Variants in GPR158 observed in about 807,000 individuals in gnomAD.
The protein encoded by GPR158 is G protein-coupled receptor 158, also known as metabotropic glycine receptor.
A neutral mutation model predicts 78.2 loss-of-function variants in GPR158; 30 were observed. That is an observed-to-expected ratio of 0.38 (90% CI 0.29 to 0.52). The LOEUF is 0.52. Ranked by LOEUF, GPR158 falls within the 20% of genes least tolerant of loss-of-function variation. The probability of loss-of-function intolerance (pLI) is 0.83; values close to 1 mark genes in which losing one functional copy is unlikely to be tolerated. For missense variants in GPR158, 1,463 were observed against 1,523.5 expected (o/e 0.96, Z 0.66); for synonymous variants, 581 against 591.1 (o/e 0.98, Z 0.25).
At chr10:25,577,115 C>G (rs1006052049) in intron 7 of GPR158, among the ~76,000 whole-genome samples, 1 of 152,178 alleles carries the variant, frequency 6.6e-6, no homozygotes, top group African/African-American at 2.4e-5. Context: ...TCTCTTTCAG[C>G]ATGCAGCATC....
At chr10:25,560,561 A>C (rs1054591129) in intron 6 of GPR158, among the ~76,000 whole-genome samples, 1 of 152,194 alleles carries the variant, frequency 6.6e-6, no homozygotes, top group Non-Finnish European at 1.5e-5. Flanking sequence ...CATTGCGCCC[A>C]TCCTAAAATA....
intron 5 of GPR158, among the ~76,000 whole-genome samples, chr10:25,478,425 G>A (rs1835617502): frequency 6.6e-6 from 1 of 151,916 alleles, no homozygotes; most frequent in Admixed American, 6.6e-5. Flanking sequence ...TAGTCATTGT[G>A]TACATTTAAT....
At chr10:25,597,743 C>T (rs760144149) in intron 10 of GPR158, 29 bp from the exon 11 acceptor site, 2 of 1,478,858 alleles carry the variant, frequency 1.4e-6, no homozygotes, top group Admixed American at 4.7e-5. Context: ...AAATTCTACA[C>T]TTCTTTGAAT....
At chr10:25,247,845 TG>T (rs1404960236) in intron 2 of GPR158, among the ~76,000 whole-genome samples, 1 of 148,494 alleles carries the variant, frequency 6.7e-6, no homozygotes, top group Non-Finnish European at 1.5e-5. Context: ...ATGGGATGGC[TG>T]GGTCAAATGG....
intron 3 of GPR158, among the ~76,000 whole-genome samples, chr10:25,399,752 G>T (rs548994633): frequency 1.4e-4 from 21 of 152,262 alleles, no homozygotes; most frequent in African/African-American, 5.1e-4. Flanking sequence ...CATCATCGAA[G>T]AACTACTCAA....
intron 1 of GPR158, among the ~76,000 whole-genome samples, chr10:25,190,222 G>T (rs190612923): frequency 6.6e-6 from 1 of 151,974 alleles, no homozygotes; most frequent in Non-Finnish European, 1.5e-5. Flanking sequence ...TAAATATTCC[G>T]TTTGCCATTT....
intron 5 of GPR158, among the ~76,000 whole-genome samples, chr10:25,538,834 C>T (rs1836536213): frequency 6.6e-6 from 1 of 152,130 alleles, no homozygotes; most frequent in African/African-American, 2.4e-5. Context: ...TGTCTTAAGT[C>T]ACGCATCGTA....
intron 2 of GPR158, among the ~76,000 whole-genome samples, chr10:25,245,388 GA>G (rs1421158688): frequency 6.6e-6 from 1 of 152,116 alleles, no homozygotes; most frequent in African/African-American, 2.4e-5. Context: ...TAACACATAT[GA>G]TAGAGGGTTC....
chr10:25,550,479 A>G (rs899036949), intron 5 of GPR158, among the ~76,000 whole-genome samples: 2 of 152,100 alleles, frequency 1.3e-5, no homozygotes, highest in African/African-American at 2.4e-5. Flanking sequence ...GGTGGGAACA[A>G]TCGGCTCTGG....
chr10:25,504,489 C>T (rs7920558), intron 5 of GPR158, among the ~76,000 whole-genome samples: 6,430 of 152,266 alleles, frequency 0.042, 282 homozygotes, highest in African/African-American at 0.11. Context: ...TAGCTTCCAA[C>T]ATGGTGGATA....
chr10:25,179,223 T>C (rs1852582084), intron 1 of GPR158, among the ~76,000 whole-genome samples: 1 of 152,190 alleles, frequency 6.6e-6, no homozygotes, highest in African/African-American at 2.4e-5. Flanking sequence ...ATTTGACAGG[T>C]ATGGTAACAA....
chr10:25,463,644 T>A (rs1361598241), intron 4 of GPR158, among the ~76,000 whole-genome samples: 1 of 152,248 alleles, frequency 6.6e-6, no homozygotes, highest in East Asian at 1.9e-4. Context: ...AGGAAGGAGA[T>A]GACTTTTTTT....
At chr10:25,385,798 G>A (rs1034295284) in intron 2 of GPR158, among the ~76,000 whole-genome samples, 1 of 152,006 alleles carries the variant, frequency 6.6e-6, no homozygotes, top group Admixed American at 6.5e-5. Context: ...TTAAAATCAG[G>A]TTATTTGTTT....
In GPR158 at chr10:25,563,537, C is replaced by T. The variant is rs939226657; in HGVS notation, c.1515-9112C>T. ...CACCATTACTGCCTGCTTGGTAAAT[C>T]GATAGTTTCTAATATATCATTTTGA... is the stretch of plus-strand genomic sequence containing the variant. On this transcript the variant is annotated intron_variant, in intron 6 of 10. Coordinates refer to ENST00000376351, the MANE Select transcript of GPR158 (RefSeq NM_020752.3). 4.6e-5 allele frequency among the ~76,000 whole-genome samples: 7 copies of T among 152,118 alleles called. No homozygotes were observed. In the South Asian group the frequency reaches 1.2e-3, roughly 27 times the overall value.
intron 2 of GPR158, among the ~76,000 whole-genome samples, chr10:25,362,407 T>C (rs1855653350): frequency 6.6e-6 from 1 of 151,940 alleles, no homozygotes; most frequent in Non-Finnish European, 1.5e-5. Context: ...TAAATTTTTT[T>C]TTCTTCAATA....
At chr10:25,297,137 A>G (rs1207184260) in intron 2 of GPR158, among the ~76,000 whole-genome samples, 1 of 152,200 alleles carries the variant, frequency 6.6e-6, no homozygotes, top group Non-Finnish European at 1.5e-5. Context: ...TGTTTATTGT[A>G]TGATGTATTC....
intron 2 of GPR158, among the ~76,000 whole-genome samples, chr10:25,247,472 C>G (rs1180735304): frequency 1.8e-5 from 2 of 108,228 alleles, no homozygotes; most frequent in African/African-American, 3.6e-5. Flanking sequence ...CCCCTCCCCC[C>G]ACCCCACCAC....
At chr10:25,251,296 G>T (rs1269125011) in intron 2 of GPR158, among the ~76,000 whole-genome samples, 3 of 151,902 alleles carry the variant, frequency 2.0e-5, no homozygotes, top group Non-Finnish European at 2.9e-5. Context: ...TTTAATTGGA[G>T]AATTTAGTCC....
At chr10:25,330,027 GTTATAC>G (rs1180463259) in intron 2 of GPR158, among the ~76,000 whole-genome samples, 4 of 104,796 alleles carry the variant, frequency 3.8e-5, no homozygotes, top group Non-Finnish European at 6.5e-5. Flanking sequence ...TTTTTTTTTT[GTTATAC>G]TTTAAGTTTT....
Sources: allele counts gnomAD v4.1 joint callset (sites outside exome capture counted in the v4.1 genomes callset), GRCh38; gene constraint gnomAD v4.1.1; transcripts MANE v1.5; gene names NCBI Gene and HGNC (gene_info 2026-07-23, HGNC 2026-07-21).